Variants in FCHO1 observed in about 807,000 individuals in gnomAD.
FCHO1 encodes FCH and mu domain containing endocytic adaptor 1.
A neutral mutation model predicts 114.4 loss-of-function variants in FCHO1; 45 were observed. That is an observed-to-expected ratio of 0.39 (90% CI 0.31 to 0.50). FCHO1 has a LOEUF of 0.50. Among genes scored for constraint, FCHO1 ranks in the 20% least tolerant of loss-of-function variants. FCHO1 has a pLI of 0.77. For synonymous variants in FCHO1, 480 were observed against 488.9 expected, an observed-to-expected ratio of 0.98 and a Z score of 0.24; for missense variants, 1,042 against 1,209.6, an observed-to-expected ratio of 0.86 and a Z score of 2.06.
In FCHO1 at chr19:17,784,609, C is replaced by T. The variant is rs2147437424; in HGVS notation, c.2227-116C>T. 2 of 976,918 alleles carry T rather than the reference C, an allele frequency of 2.0e-6. No homozygotes were observed. The highest frequency in any genetic ancestry group is 3.2e-6 in the Non-Finnish European group (2 of 616,120). 60.5% of individuals were successfully genotyped at this position (976,918 alleles called of 1,614,324 possible). A position where few individuals can be genotyped will look rare whatever the true frequency, so the allele number is the denominator to read the frequency against. On this transcript the variant is annotated intron_variant, in intron 25 of 28. Coordinates refer to ENST00000596536, the MANE Select transcript of FCHO1 (RefSeq NM_015122.3). The surrounding 1 kb of genome is among the most constrained non-coding windows in gnomAD (Gnocchi z 5.3). Reference sequence around the variant, plus strand: ...TCTCATCCATCAAATCTCCCTGTGACTGGACCCCCTTGGGGCGGTGCGTGC... The same window carrying T: ...TCTCATCCATCAAATCTCCCTGTGATTGGACCCCCTTGGGGCGGTGCGTGC...
chr19:17,749,667 C>T (rs1001674965), upstream of FCHO1, among the ~76,000 whole-genome samples: 15 of 152,072 alleles, frequency 9.9e-5, no homozygotes, highest in South Asian at 4.1e-4. Context: ...ACCTGGGGCA[C>T]GTGTCTCAGT....
chr19:17,784,205 C>A lies in FCHO1; in HGVS notation c.2196C>A (p.Ser732=), dbSNP rs756340665. ...AGGCAGAGCAGAACCCCACTGCCTC[C>A]TACTACAACGTGGTGCTGCTGCGAT... is the stretch of plus-strand genomic sequence containing the variant. ...QRQAEQNPTA[S]YYNVVLLRYQ... is the part of the protein sequence containing the mutation. Residue 732 remains serine (S), a synonymous_variant, in exon 25 of 29, where the codon TCC becomes TCA. Coordinates refer to ENST00000596536, the MANE Select transcript of FCHO1 (RefSeq NM_015122.3). This position sits in a 1 kb window ranked among gnomAD's most constrained non-coding sequence, Gnocchi z 5.3. The A allele has an allele frequency of 1.9e-6, 3 of 1,612,864 alleles. No individual in the cohort carries two copies. The South Asian group carries it at 3.3e-5, about 18-fold the overall frequency.
At chr19:17,750,999 G>A (rs779407156), upstream of FCHO1, among the ~76,000 whole-genome samples, 3 of 151,664 alleles carry the variant, frequency 2.0e-5, no homozygotes, top group Non-Finnish European at 4.4e-5. Flanking sequence ...GGGCCACCAC[G>A]CCCAGCTAAT....
chr19:17,782,971 C>G lies in FCHO1; in HGVS notation c.1938-46C>G, dbSNP rs150367745. 96 of 1,598,150 alleles carry G rather than the reference C, an allele frequency of 6.0e-5. No homozygotes were observed. The African/African-American group carries it at 7.6e-4, about 13-fold the overall frequency. ...CCAAGAGAAGGGGAAGGATGAGGCA[C>G]CAGGCAGAGCCCTAAGCCAACACCC... is the stretch of plus-strand genomic sequence containing the variant. On this transcript the variant is annotated intron_variant, in intron 23 of 28. Transcript: ENST00000596536.
rs542436715 is a variant in FCHO1, at chr19:17,782,872, G to A, written c.1938-145G>A. On this transcript the variant is annotated intron_variant, in intron 23 of 28. Coordinates refer to ENST00000596536, the MANE Select transcript of FCHO1 (RefSeq NM_015122.3). ...GCAGGAATGAAAGAGGAGGTTGGGG[G>A]AAAGGATACGGGGGATCATCAGGGC... The A allele has an allele frequency of 6.1e-5, 52 of 853,016 alleles. No homozygotes were observed. In the Admixed American group the frequency reaches 1.4e-3, roughly 24 times the overall value. The allele number at this position is 853,016 out of a possible 1,614,324, so 52.8% of individuals were successfully genotyped here. A position where few individuals can be genotyped will look rare whatever the true frequency, so the allele number is the denominator to read the frequency against.
At chr19:17,755,402 G>A (rs1001770116) in intron 4 of FCHO1, 4 of 472,536 alleles carry the variant, frequency 8.5e-6, no homozygotes, top group African/African-American at 6.1e-5. Context: ...GTCATAGCTT[G>A]TGTCATAGGG....
chr19:17,777,215 T>G (rs140996149), intron 18 of FCHO1, among the ~76,000 whole-genome samples: 1 of 151,820 alleles, frequency 6.6e-6, no homozygotes, highest in Admixed American at 6.6e-5. Flanking sequence ...CTTCTCAGAG[T>G]CACATTCTAG....
At chr19:17,786,873 G>A (rs543062306) in intron 27 of FCHO1, among the ~76,000 whole-genome samples, 39 of 151,834 alleles carry the variant, frequency 2.6e-4, no homozygotes, top group Non-Finnish European at 4.3e-4. Flanking sequence ...ACCCGTGATC[G>A]TACCACTGCA....
In FCHO1 at chr19:17,772,446, T is replaced by C. The variant is rs1408289669; in HGVS notation, c.595-11T>C. 2 of 1,612,252 alleles carry C rather than the reference T, an allele frequency of 1.2e-6. No individual in the cohort carries two copies. The highest frequency in any genetic ancestry group is 1.7e-6 in the Non-Finnish European group (2 of 1,178,594). On this transcript the variant is annotated splice_polypyrimidine_tract_variant and intron_variant, in intron 9 of 28. Coordinates refer to ENST00000596536, the MANE Select transcript of FCHO1 (RefSeq NM_015122.3). ...ACCTCCTTTCCACCTGCCTCTGCCC[T>C]CCTGCTTCAGCGCTTCCAAGCCATG...
chr19:17,778,368 A>C, intron 19 of FCHO1, 140 bp downstream of exon 19: 1 of 668,526 alleles, frequency 1.5e-6, no homozygotes, highest in Non-Finnish European at 2.5e-6. Flanking sequence ...GCGGGGCCAG[A>C]GTGCGCGTGG....
intron 4 of FCHO1, among the ~76,000 whole-genome samples, chr19:17,756,141 C>A (rs2083412883): frequency 6.6e-6 from 1 of 152,182 alleles, no homozygotes; most frequent in South Asian, 2.1e-4. Context: ...CCCACTCCTG[C>A]CCTTGCTCCC....
At chr19:17,781,965 G>A (rs2093454754) in intron 23 of FCHO1, 145 bp downstream of exon 23, 2 of 529,216 alleles carry the variant, frequency 3.8e-6, no homozygotes, top group Non-Finnish European at 6.6e-6. Context: ...CTGTCCTGAG[G>A]GCAGTGGAGC....
intron 5 of FCHO1, 133 bp downstream of exon 5, chr19:17,762,986 C>G: frequency 1.6e-6 from 1 of 619,454 alleles, no homozygotes; most frequent in South Asian, 1.9e-5. Flanking sequence ...CTCGAAAATC[C>G]TGGAAATGAC....
chr19:17,783,465 A>G (rs2093612867), intron 24 of FCHO1, among the ~76,000 whole-genome samples: 1 of 151,618 alleles, frequency 6.6e-6, no homozygotes, highest in African/African-American at 2.4e-5. Context: ...ACAGGGTTTC[A>G]TCATGTTGCC....
At chr19:17,767,563 T>TCAAAAAAAAAAAAAAAAAAAAAAAAA (rs759888511) in intron 7 of FCHO1, among the ~76,000 whole-genome samples, 1 of 114,328 alleles carries the variant, frequency 8.7e-6, no homozygotes, top group Admixed American at 9.4e-5. Flanking sequence ...AAAGACTGTC[T>TCAAAAAAAAAAAAAAAAAAAAAAAAA]AAAAAAAAAA....
chr19:17,759,847 C>A (rs1217859536), intron 4 of FCHO1, among the ~76,000 whole-genome samples: 1 of 151,968 alleles, frequency 6.6e-6, no homozygotes, highest in Admixed American at 6.6e-5. Flanking sequence ...CTATATTGGT[C>A]TTGCTTTTAG....
intron 18 of FCHO1, 108 bp from the exon 19 acceptor site, chr19:17,778,029 A>T: frequency 1.4e-6 from 1 of 720,872 alleles, no homozygotes; most frequent in South Asian, 1.6e-5. Context: ...ACAGAGCAAG[A>T]CTCCGTCTCA....
rs578210325 is a variant in FCHO1, at chr19:17,783,170, C to T, written c.2091C>T (p.Phe697=). 6.2e-7 allele frequency: 1 copy of T among 1,613,776 alleles called. No homozygotes were observed. Among genetic ancestry groups the T allele is most frequent in the Non-Finnish European group, 8.5e-7 (1 of 1,179,748 alleles). The change falls in exon 24 of 29, where the codon TTC becomes TTT. Residue 697 remains phenylalanine, a splice_region_variant and synonymous_variant. Transcript: ENST00000596536. ...TCCAGCCCAACGCCGATCTGCTGTT[C>T]AGGTACTATGGAGGGGCAGTGGGAG... The part of the protein sequence containing the change: ...EHFQPNADLL[F]SDPSQSDPET...
chr19:17,784,856 G>A lies in FCHO1; in HGVS notation c.2358G>A (p.Thr786=), dbSNP rs368985178. Residue 786 remains threonine, a synonymous_variant, in exon 26 of 29, where the codon ACG becomes ACA. Coordinates refer to ENST00000596536, the MANE Select transcript of FCHO1 (RefSeq NM_015122.3). This position sits in a 1 kb window ranked among gnomAD's most constrained non-coding sequence, Gnocchi z 5.3. ...PGATAVPTPL[T]NVQILLPVGE... is the part of the protein sequence containing the mutation. Reference sequence around the variant, plus strand: ...CCACGGCTGTGCCCACACCACTCACGAACGTCCAGATCCTGCTGCCTGTGG... The same window carrying A: ...CCACGGCTGTGCCCACACCACTCACAAACGTCCAGATCCTGCTGCCTGTGG... The A allele has an allele frequency of 8.1e-6, 13 of 1,613,576 alleles. No homozygotes were observed. The highest frequency in any genetic ancestry group is 2.7e-5 in the African/African-American group (2 of 74,920).
Sources: allele counts gnomAD v4.1 joint callset (sites outside exome capture counted in the v4.1 genomes callset), GRCh38; gene constraint gnomAD v4.1.1; non-coding constraint Gnocchi (gnomAD v3.1); transcripts MANE v1.5; gene names NCBI Gene and HGNC (gene_info 2026-07-23, HGNC 2026-07-21).